Variants in GRIK2 observed in about 807,000 individuals in gnomAD.
The protein encoded by GRIK2 is glutamate receptor ionotropic, kainate 2.
Under a neutral mutation model 100.3 loss-of-function variants are expected in GRIK2, and 32 were observed. That is an observed-to-expected ratio of 0.32 (90% CI 0.24 to 0.43). The LOEUF (loss-of-function observed/expected upper bound fraction) is 0.43, where lower values mean the gene tolerates loss of function less well. Among genes scored for constraint, GRIK2 ranks in the 20% least tolerant of loss-of-function variants. The pLI, the probability that GRIK2 is intolerant of heterozygous loss-of-function variation, is 1.00. For synonymous variants in GRIK2, 417 were observed against 389.4 expected, an observed-to-expected ratio of 1.07 and a Z score of -0.83; for missense variants, 843 against 1,114.9, an observed-to-expected ratio of 0.76 and a Z score of 3.47.
intron 2 of GRIK2, among the ~76,000 whole-genome samples, chr6:101,590,043 T>C (rs1205740228): frequency 6.6e-6 from 1 of 152,132 alleles, no homozygotes; most frequent in Non-Finnish European, 1.5e-5. Context: ...TATTTTCCTG[T>C]CTATGGAATA....
intron 14 of GRIK2, among the ~76,000 whole-genome samples, chr6:102,006,454 G>C (rs1255632394): frequency 6.8e-6 from 1 of 146,158 alleles, no homozygotes; most frequent in African/African-American, 2.6e-5. Flanking sequence ...TTGCAGCCTG[G>C]ATCTCCCAGG....
intron 7 of GRIK2, among the ~76,000 whole-genome samples, chr6:101,747,118 G>A (rs1424165122): frequency 6.6e-6 from 1 of 152,064 alleles, no homozygotes; most frequent in African/African-American, 2.4e-5. Flanking sequence ...CACCAAGTTT[G>A]GTATCTTAAA....
chr6:101,695,738 C>T (rs1772439095), intron 7 of GRIK2, among the ~76,000 whole-genome samples: 2 of 152,074 alleles, frequency 1.3e-5, no homozygotes, highest in Non-Finnish European at 2.9e-5. Flanking sequence ...GCACTTAATA[C>T]ACCTAACCTA....
chr6:101,820,202 T>C (rs1365569568), intron 10 of GRIK2, among the ~76,000 whole-genome samples: 1 of 152,212 alleles, frequency 6.6e-6, no homozygotes, highest in East Asian at 1.9e-4. Context: ...TCTTATTTCA[T>C]GTGTGCATTA....
intron 7 of GRIK2, among the ~76,000 whole-genome samples, chr6:101,700,273 G>A (rs1582985406): frequency 6.6e-6 from 1 of 151,804 alleles, no homozygotes; most frequent in East Asian, 1.9e-4. Flanking sequence ...GCATCACTAA[G>A]TACAGGACAC....
chr6:101,599,896 C>T (rs1255224292), intron 2 of GRIK2, among the ~76,000 whole-genome samples: 2 of 151,558 alleles, frequency 1.3e-5, no homozygotes, highest in Non-Finnish European at 3.0e-5. Context: ...GCTGCAGCTC[C>T]TTAATTTAAT....
chr6:101,857,482 G>A (rs1784487244), intron 10 of GRIK2, among the ~76,000 whole-genome samples: 1 of 152,156 alleles, frequency 6.6e-6, no homozygotes, highest in Middle Eastern at 3.2e-3. Context: ...TTAGTTGAGT[G>A]TGGGCAAGCT....
chr6:101,967,213 C>T (rs944237807), intron 14 of GRIK2, among the ~76,000 whole-genome samples: 5 of 151,786 alleles, frequency 3.3e-5, no homozygotes, highest in African/African-American at 1.2e-4. Context: ...AGGAACCAAA[C>T]CTAAATCTTA....
At chr6:102,013,305 G>A (rs73500530) in intron 14 of GRIK2, among the ~76,000 whole-genome samples, 10,551 of 152,154 alleles carry the variant, frequency 0.069, 899 homozygotes, top group African/African-American at 0.2. Flanking sequence ...CCTTGCTGAG[G>A]TTGTTTACCA....
At chr6:101,925,879 T>C (rs1478245812) in intron 13 of GRIK2, among the ~76,000 whole-genome samples, 2 of 152,004 alleles carry the variant, frequency 1.3e-5, no homozygotes, top group South Asian at 2.1e-4. Context: ...TACTGTTTCA[T>C]TTATAAACTA....
At chr6:101,635,624 T>C (rs1345248281) in intron 4 of GRIK2, among the ~76,000 whole-genome samples, 1 of 151,916 alleles carries the variant, frequency 6.6e-6, no homozygotes, top group Non-Finnish European at 1.5e-5. Flanking sequence ...AGGGCTAATA[T>C]CCAGAATCTA....
chr6:101,792,979 C>A (rs9498708), intron 7 of GRIK2, among the ~76,000 whole-genome samples: 61,177 of 151,850 alleles, frequency 0.4, 14,556 homozygotes, highest in East Asian at 0.84. Context: ...CACTGATACC[C>A]TTTCTTCCAG....
chr6:101,540,221 A>G (rs1254100940), intron 2 of GRIK2, among the ~76,000 whole-genome samples: 3 of 151,912 alleles, frequency 2.0e-5, no homozygotes, highest in Non-Finnish European at 2.9e-5. Flanking sequence ...GTGCATATAA[A>G]AAGACTGCTT....
intron 14 of GRIK2, among the ~76,000 whole-genome samples, chr6:101,929,406 A>T (rs1468128710): frequency 1.3e-5 from 2 of 152,204 alleles, no homozygotes; most frequent in Non-Finnish European, 2.9e-5. Flanking sequence ...AAATTTTAAA[A>T]CATTGATATT....
At chr6:101,406,937 A>C (rs547190791) in intron 2 of GRIK2, among the ~76,000 whole-genome samples, 5 of 152,258 alleles carry the variant, frequency 3.3e-5, no homozygotes, top group African/African-American at 1.2e-4. Context: ...TTCTATTATT[A>C]AACTAAAGTA....
chr6:101,543,222 C>T (rs1003933732), intron 2 of GRIK2, among the ~76,000 whole-genome samples: 1 of 152,178 alleles, frequency 6.6e-6, no homozygotes, highest in African/African-American at 2.4e-5. Flanking sequence ...CCATGAAGAA[C>T]ACTTCTTGTT....
At chr6:101,420,414 G>A (rs1217703287) in intron 2 of GRIK2, among the ~76,000 whole-genome samples, 2 of 152,162 alleles carry the variant, frequency 1.3e-5, no homozygotes, top group Non-Finnish European at 2.9e-5. Flanking sequence ...ATATGAAATT[G>A]CTAATATTTG....
intron 2 of GRIK2, among the ~76,000 whole-genome samples, chr6:101,520,608 G>T (rs1361181165): frequency 2.0e-5 from 3 of 152,000 alleles, no homozygotes; most frequent in Non-Finnish European, 4.4e-5. Flanking sequence ...AACTGACCAA[G>T]AACTTCTTGT....
chr6:102,002,179 C>T lies in GRIK2; in HGVS notation c.2086-33162C>T, dbSNP rs1006309783. ...TAGCCCTATTGATATTTGATTATTACTATTTAGGGGAATTATTTTGATTTT... is the reference window on the plus strand; with the variant it reads ...TAGCCCTATTGATATTTGATTATTATTATTTAGGGGAATTATTTTGATTTT... On this transcript the variant is annotated intron_variant, in intron 14 of 16. Coordinates refer to ENST00000369134, the MANE Select transcript of GRIK2 (RefSeq NM_021956.5). 7.3e-5 allele frequency among the ~76,000 whole-genome samples: 11 copies of T among 150,052 alleles called. 1 individual carries two copies. The highest frequency in any genetic ancestry group is 6.7e-4 in the Admixed American group (10 of 14,952).
Sources: allele counts gnomAD v4.1 joint callset (sites outside exome capture counted in the v4.1 genomes callset), GRCh38; gene constraint gnomAD v4.1.1; transcripts MANE v1.5; gene names NCBI Gene and HGNC (gene_info 2026-07-23, HGNC 2026-07-21).